The following KIFAP3 variants were observed in gnomAD, a reference collection of about 807,000 sequenced individuals.
KIFAP3 encodes kinesin associated protein 3, also known as kinesin-associated protein 3.
Under a neutral mutation model 106.5 loss-of-function variants are expected in KIFAP3, and 68 were observed. The ratio of observed to expected loss-of-function variants is 0.64; its 90% CI spans 0.53 to 0.78. The LOEUF (loss-of-function observed/expected upper bound fraction) is 0.78. Ranked by LOEUF, KIFAP3 falls within the 30% of genes least tolerant of loss-of-function variation. KIFAP3 has a pLI of 0.00. For synonymous variants in KIFAP3, 320 were observed against 311.5 expected (o/e 1.03, Z -0.29); for missense variants, 780 against 941.8 (o/e 0.83, Z 2.25).
intron 19 of KIFAP3, among the ~76,000 whole-genome samples, chr1:169,925,427 A>G (rs1318918721): frequency 6.6e-6 from 1 of 152,104 alleles, no homozygotes; most frequent in African/African-American, 2.4e-5. Flanking sequence ...GAAAAATGAC[A>G]AATTCTTTAA....
intron 10 of KIFAP3, among the ~76,000 whole-genome samples, chr1:170,010,099 C>T (rs998138799): frequency 6.6e-5 from 10 of 152,018 alleles, no homozygotes; most frequent in Non-Finnish European, 1.2e-4. Context: ...TGATTTATAA[C>T]TGATACTGAA....
upstream of KIFAP3, among the ~76,000 whole-genome samples, chr1:170,075,034 T>A (rs1382978202): frequency 6.6e-6 from 1 of 152,232 alleles, no homozygotes; most frequent in African/African-American, 2.4e-5. Flanking sequence ...GGAGATAATC[T>A]GACCGTTGTA....
intron 18 of KIFAP3, 150 bp downstream of exon 18, chr1:169,960,896 A>G (rs1483993342): frequency 5.5e-6 from 3 of 541,898 alleles, no homozygotes; most frequent in Non-Finnish European, 9.3e-6. Context: ...AGGTTTGCTT[A>G]TTATATATAG....
chr1:169,961,447 C>T (rs1665326892), intron 17 of KIFAP3, among the ~76,000 whole-genome samples: 1 of 152,100 alleles, frequency 6.6e-6, no homozygotes, highest in Admixed American at 6.6e-5. Flanking sequence ...TCACTAATGG[C>T]AATGGCAAAC....
At chr1:169,978,306 T>C (rs1036452041) in intron 15 of KIFAP3, 123 bp from the exon 16 acceptor site, 3 of 604,962 alleles carry the variant, frequency 5.0e-6, no homozygotes, top group African/African-American at 3.7e-5. Context: ...CAAGCAGAAA[T>C]GGATTTAACT....
Position 170,053,414 on chromosome 1 carries a change from G to T in KIFAP3, c.164+1891C>A, listed in dbSNP as rs371702104. 7.9e-5 allele frequency among the ~76,000 whole-genome samples: 12 copies of T among 151,954 alleles called. No individual in the cohort carries two copies. The East Asian group carries it at 2.1e-3, about 27-fold the overall frequency. On this transcript the variant is annotated intron_variant, in intron 2 of 19. Coordinates refer to ENST00000361580, the MANE Select transcript of KIFAP3 (RefSeq NM_014970.4). ...GAAAAAAATGGCCATACTGCTCAAG[G>T]TTTATAAATTCGATGCTATTCCCAT... is the stretch of plus-strand genomic sequence containing the variant.
chr1:169,956,338 T>A (rs1665011157), intron 18 of KIFAP3, among the ~76,000 whole-genome samples: 1 of 152,142 alleles, frequency 6.6e-6, no homozygotes, highest in South Asian at 2.1e-4. Context: ...TGATCCAGAT[T>A]AGGTAGAAAT....
At chr1:169,961,281 T>C in intron 17 of KIFAP3, 46 bp from the exon 18 acceptor site, 2 of 1,477,328 alleles carry the variant, frequency 1.4e-6, no homozygotes, top group Non-Finnish European at 1.9e-6. Context: ...GCTAACTCAC[T>C]TGGCACTCAG....
intron 3 of KIFAP3, among the ~76,000 whole-genome samples, chr1:170,045,361 G>A: frequency 6.6e-6 from 1 of 152,096 alleles, no homozygotes; most frequent in East Asian, 1.9e-4. Context: ...GGTATCTGTA[G>A]GCATGGATAA....
At chr1:169,922,947 T>A (rs2101758505) in intron 19 of KIFAP3, 1 of 245,532 alleles carries the variant, frequency 4.1e-6, no homozygotes, top group African/African-American at 2.3e-5. Context: ...ACTATTAAAA[T>A]GTTAAGGTTT....
intron 19 of KIFAP3, among the ~76,000 whole-genome samples, chr1:169,933,628 T>C (rs1663621951): frequency 6.6e-6 from 1 of 152,034 alleles, no homozygotes; most frequent in African/African-American, 2.4e-5. Flanking sequence ...TATATGACAA[T>C]TGTTTATCTG....
At chr1:170,082,944 G>T (rs1672043468) in intron 1 of KIFAP3, among the ~76,000 whole-genome samples, 1 of 152,132 alleles carries the variant, frequency 6.6e-6, no homozygotes, top group South Asian at 2.1e-4. Context: ...CTGCACTCCA[G>T]CCTGGGCAAC....
chr1:170,076,126 T>C (rs1180982377), upstream of KIFAP3, among the ~76,000 whole-genome samples: 2 of 152,178 alleles, frequency 1.3e-5, no homozygotes, highest in Non-Finnish European at 2.9e-5. Flanking sequence ...AGAGAACTTA[T>C]TTCGTTCACT....
intron 12 of KIFAP3, among the ~76,000 whole-genome samples, chr1:169,984,179 A>G (rs1666671019): frequency 6.6e-6 from 1 of 151,850 alleles, no homozygotes; most frequent in South Asian, 2.1e-4. Flanking sequence ...CTTTTCAAAT[A>G]AGGCAAAAAC....
upstream of KIFAP3, among the ~76,000 whole-genome samples, chr1:170,079,055 A>T (rs1000447670): frequency 3.3e-5 from 5 of 152,166 alleles, no homozygotes; most frequent in African/African-American, 1.2e-4. Flanking sequence ...TCCAAACCTT[A>T]TGTTAAAGTT....
chr1:170,065,613 C>CAAA (rs71125225), intron 1 of KIFAP3, among the ~76,000 whole-genome samples: 10 of 49,894 alleles, frequency 2.0e-4, no homozygotes, highest in African/African-American at 3.0e-4. Flanking sequence ...GACTCCACCT[C>CAAA]AAAAAAAAAA....
rs144058520 is a variant in KIFAP3 at position 169,945,004 on chromosome 1, G to A, written c.2273+9007C>T. 1.7e-4 allele frequency among the ~76,000 whole-genome samples: 26 copies of A among 152,142 alleles called. No individual in the cohort carries two copies. The East Asian group carries it at 4.7e-3, about 27-fold the overall frequency. On this transcript the variant is annotated intron_variant, in intron 19 of 19. Transcript: ENST00000361580. ...TTTCACTGGGGATTCACTCCTTTTT[G>A]CCCAGGAGCCTGCCTGTTGCCATCA... is the stretch of plus-strand genomic sequence containing the variant.
At chr1:169,921,805 T>A in intron 19 of KIFAP3, 24 bp from the exon 20 acceptor site, 2 of 1,557,502 alleles carry the variant, frequency 1.3e-6, no homozygotes, top group Non-Finnish European at 1.8e-6. Context: ...AAAAGAATGA[T>A]AAGCTATGTT....
chr1:170,041,038 T>C (rs1669948688), intron 3 of KIFAP3, among the ~76,000 whole-genome samples: 1 of 152,130 alleles, frequency 6.6e-6, no homozygotes. Context: ...TTGGCCAGGA[T>C]GGTCTCGATC....
Sources: allele counts gnomAD v4.1 joint callset (sites outside exome capture counted in the v4.1 genomes callset), GRCh38; gene constraint gnomAD v4.1.1; transcripts MANE v1.5; gene names NCBI Gene and HGNC (gene_info 2026-07-23, HGNC 2026-07-21).